LRRC7: variants seen among roughly 807,000 people sequenced by gnomAD.
LRRC7 encodes the protein leucine-rich repeat-containing protein 7.
LRRC7 carries 23 observed loss-of-function variants against 175.7 expected under a neutral mutation model. That is an observed-to-expected ratio of 0.13 (90% CI 0.09 to 0.19). LRRC7 has a LOEUF of 0.19. Among genes scored for constraint, LRRC7 ranks in the 10% least tolerant of loss-of-function variants. The pLI is 1.00. For synonymous variants in LRRC7, 685 were observed against 680.9 expected (o/e 1.01, Z -0.09); for missense variants, 1,354 against 1,904.7 (o/e 0.71, Z 5.38).
intron 7 of LRRC7, among the ~76,000 whole-genome samples, chr1:69,910,897 A>C (rs180900118): frequency 1.4e-3 from 219 of 152,324 alleles, no homozygotes; most frequent in African/African-American, 5.1e-3. Flanking sequence ...AAGCCTGGGC[A>C]ATGGCAGGTG....
chr1:69,618,090 A>G (rs1412932373), intron 1 of LRRC7, among the ~76,000 whole-genome samples: 1 of 152,120 alleles, frequency 6.6e-6, no homozygotes, highest in African/African-American at 2.4e-5. Flanking sequence ...GTGTCCCTTA[A>G]TTAGAGTTCC....
chr1:69,767,358 C>T (rs146795609), intron 3 of LRRC7, among the ~76,000 whole-genome samples: 4,969 of 152,176 alleles, frequency 0.033, 122 homozygotes, highest in Non-Finnish European at 0.047. Context: ...TTTCTTAATA[C>T]AAATCCATCA....
In LRRC7 at chr1:70,126,205, A is replaced by T. The variant is rs1417699482; in HGVS notation, c.*4318A>T. On this transcript the variant is annotated 3_prime_UTR_variant, in exon 27 of 27. Transcript: ENST00000651989. ...CCATACTGAAATAGGACTACCACTC[A>T]AAGTCTTTGATAAATTCGATCAAAC... 6.6e-6 allele frequency among the ~76,000 whole-genome samples: 1 copy of T among 152,210 alleles called. No individual in the cohort carries two copies. Among genetic ancestry groups the T allele is most frequent in the East Asian group, 1.9e-4 (1 of 5,194 alleles).
chr1:69,817,930 T>G (rs1181199342), intron 4 of LRRC7, among the ~76,000 whole-genome samples: 1 of 152,086 alleles, frequency 6.6e-6, no homozygotes, highest in Non-Finnish European at 1.5e-5. Context: ...TTGTTGTGAG[T>G]GTATGGAAAC....
chr1:69,921,144 G>A (rs113478831), intron 7 of LRRC7, among the ~76,000 whole-genome samples: 28 of 152,276 alleles, frequency 1.8e-4, no homozygotes, highest in Middle Eastern at 6.8e-3. Flanking sequence ...GGAGAAAGGA[G>A]ACTGATAGAT....
chr1:69,608,881 T>C (rs1557478275), intron 1 of LRRC7, among the ~76,000 whole-genome samples: 2 of 130,148 alleles, frequency 1.5e-5, no homozygotes, highest in Non-Finnish European at 3.3e-5. Context: ...TATATATATA[T>C]ATATATATAT....
rs555861095 is a variant in LRRC7 at position 69,728,215 on chromosome 1, C to A, written c.101-31976C>A. Among the ~76,000 whole-genome samples, 6 of 152,020 alleles carry A rather than the reference C, an allele frequency of 3.9e-5. No homozygotes were observed. In the East Asian group the frequency reaches 1.2e-3, roughly 29 times the overall value. ...TCTAGTCTATTAAATTCGATTTAAC[C>A]AAAAACAACCCCCACTCACACTCTC... On this transcript the variant is annotated intron_variant, in intron 2 of 26. Coordinates refer to ENST00000651989, the MANE Select transcript of LRRC7 (RefSeq NM_001370785.2).
At position 69,568,104 on chromosome 1, in the gene LRRC7, G is replaced by C. The variant is rs1055295003; in HGVS notation, c.-536G>C. Among the ~76,000 whole-genome samples, 3 of 152,150 alleles carry C rather than the reference G, an allele frequency of 2.0e-5. No individual in the cohort carries two copies. The highest frequency in any genetic ancestry group is 4.4e-5 in the Non-Finnish European group (3 of 68,028). Reference sequence around the variant, plus strand: ...CAGTTGCGGAGCGCTCAGCCCCTCCGAGACGCCCGCTGCGCCCTGGCCCCT... The same window carrying C: ...CAGTTGCGGAGCGCTCAGCCCCTCCCAGACGCCCGCTGCGCCCTGGCCCCT... On this transcript the variant is annotated 5_prime_UTR_variant, in exon 1 of 27. Coordinates refer to ENST00000651989, the MANE Select transcript of LRRC7 (RefSeq NM_001370785.2).
At chr1:69,809,122 A>C (rs1226052718) in intron 4 of LRRC7, among the ~76,000 whole-genome samples, 1 of 152,172 alleles carries the variant, frequency 6.6e-6, no homozygotes, top group South Asian at 2.1e-4. Context: ...AATACAAACT[A>C]CCATCAGAGA....
intron 18 of LRRC7, among the ~76,000 whole-genome samples, chr1:70,032,439 A>G (rs1658847944): frequency 6.6e-6 from 1 of 152,060 alleles, no homozygotes; most frequent in African/African-American, 2.4e-5. Flanking sequence ...ACACCTATTT[A>G]TATACAGCTC....
intron 7 of LRRC7, among the ~76,000 whole-genome samples, chr1:69,925,078 T>C (rs1181930461): frequency 1.3e-5 from 2 of 152,170 alleles, no homozygotes; most frequent in East Asian, 3.8e-4. Flanking sequence ...TTGTCTTTGG[T>C]TCTGTTTATA....
rs554615771 is a variant in LRRC7, at chr1:69,878,151, C to A, written c.647+39868C>A. Among the ~76,000 whole-genome samples the A allele has an allele frequency of 3.7e-4, 56 of 151,926 alleles. No homozygotes were observed. In the East Asian group the frequency reaches 0.01, roughly 28 times the overall value. On this transcript the variant is annotated intron_variant, in intron 7 of 26. Transcript: ENST00000651989. ...GCCTTCCTACCTTAAAGATTTAAAA[C>A]AGGTATTTGTAAAGATTGGACTTCC...
At chr1:69,961,235 G>T (rs138235175) in intron 8 of LRRC7, among the ~76,000 whole-genome samples, 1,727 of 152,212 alleles carry the variant, frequency 0.011, 37 homozygotes, top group African/African-American at 0.039. Context: ...ATTCACAATT[G>T]AAATAAAAAG....
chr1:70,052,682 AAAATT>A (rs1294834910), intron 22 of LRRC7, among the ~76,000 whole-genome samples: 1 of 152,130 alleles, frequency 6.6e-6, no homozygotes, highest in Non-Finnish European at 1.5e-5. Flanking sequence ...AGATTATACT[AAAATT>A]AAGCAAGTTT....
intron 1 of LRRC7, among the ~76,000 whole-genome samples, chr1:69,649,109 A>G (rs1392887547): frequency 6.6e-6 from 1 of 152,242 alleles, no homozygotes; most frequent in Non-Finnish European, 1.5e-5. Context: ...GTGAACATAC[A>G]GATATTGTTA....
At chr1:69,867,253 T>C (rs997768615) in intron 7 of LRRC7, among the ~76,000 whole-genome samples, 1 of 152,202 alleles carries the variant, frequency 6.6e-6, no homozygotes, top group African/African-American at 2.4e-5. Context: ...GATTCTTCTA[T>C]CAAATTTCCA....
rs546148018 is a variant in LRRC7, at chr1:69,915,989, G to T, written c.648-15518G>T. ...TGGTGGAACCAGGATTCAGACCCAG[G>T]TAGTTTGAGTCCAGGGTCCGTGGTC... On this transcript the variant is annotated intron_variant, in intron 7 of 26. Transcript: ENST00000651989. 2.1e-5 allele frequency among the ~76,000 whole-genome samples: 3 copies of T among 142,854 alleles called. No individual in the cohort carries two copies. In the South Asian group the frequency reaches 6.5e-4, roughly 31 times the overall value. 93.7% of individuals were successfully genotyped at this position (142,854 alleles called of 152,430 possible).
At chr1:70,007,820 A>C (rs1656123411) in intron 11 of LRRC7, among the ~76,000 whole-genome samples, 1 of 152,028 alleles carries the variant, frequency 6.6e-6, no homozygotes, top group Non-Finnish European at 1.5e-5. Context: ...TCTTTTCATC[A>C]CACTTTCCTC....
intron 4 of LRRC7, among the ~76,000 whole-genome samples, chr1:69,798,172 G>A (rs575048473): frequency 7.2e-5 from 11 of 152,004 alleles, no homozygotes; most frequent in Non-Finnish European, 1.0e-4. Flanking sequence ...TGCCCTCCTC[G>A]GCCTCCCAAA....
Sources: gnomAD v4.1 joint callset for allele counts (sites outside exome capture counted in the v4.1 genomes callset) on GRCh38, gnomAD v4.1.1 for gene constraint, MANE v1.5 for transcripts, NCBI Gene and HGNC (gene_info 2026-07-23, HGNC 2026-07-21) for gene names.